Variants in RIMBP2 observed in about 807,000 individuals in gnomAD.
The protein encoded by RIMBP2 is RIMS binding protein 2, also known as RIMS-binding protein 2.
RIMBP2 carries 48 observed loss-of-function variants against 118.6 expected under a neutral mutation model. The ratio of observed to expected loss-of-function variants is 0.40; its 90% CI spans 0.32 to 0.51. The LOEUF (loss-of-function observed/expected upper bound fraction) is 0.51. Ranked by LOEUF, RIMBP2 falls within the 20% of genes least tolerant of loss-of-function variation. RIMBP2 has a pLI of 0.41. For missense variants in RIMBP2, 1,551 were observed against 1,768.3 expected (o/e 0.88, Z 2.20); for synonymous variants, 762 against 742.9 (o/e 1.03, Z -0.42).
intron 2 of RIMBP2, among the ~76,000 whole-genome samples, chr12:130,602,694 G>A (rs2059943414): frequency 6.6e-6 from 1 of 152,212 alleles, no homozygotes; most frequent in African/African-American, 2.4e-5. Context: ...TGAACAAACA[G>A]ATGTAGACGG....
At chr12:130,466,214 G>T (rs1309841308) in intron 6 of RIMBP2, 3 of 152,188 alleles carry the variant, frequency 2.0e-5, no homozygotes, top group Non-Finnish European at 4.4e-5. Flanking sequence ...GTTTTGATAG[G>T]ACGCTAAGTG....
Position 130,434,392 on chromosome 12 carries a change from T to G in RIMBP2, c.2253+342A>C, listed in dbSNP as rs2077355545. The stretch of plus-strand genomic sequence containing the variant: ...AGATGGCCAACAAACATCTGCCCAG[T>G]TAACGGAGGTGAATGAGCGAATGGC... On this transcript the variant is annotated intron_variant, in intron 14 of 22. Coordinates refer to ENST00000690449, the MANE Select transcript of RIMBP2 (RefSeq NM_001393629.1). This position sits in a 1 kb window ranked among gnomAD's most constrained non-coding sequence, Gnocchi z 5.7. Among the ~76,000 whole-genome samples, 1 of 152,086 alleles carries G rather than the reference T, an allele frequency of 6.6e-6. No homozygotes were observed. Among genetic ancestry groups the G allele is most frequent in the African/African-American group, 2.4e-5 (1 of 41,410 alleles).
At chr12:130,513,032 T>C (rs554826501) in intron 3 of RIMBP2, among the ~76,000 whole-genome samples, 12 of 152,324 alleles carry the variant, frequency 7.9e-5, no homozygotes, top group Admixed American at 7.8e-4. Flanking sequence ...AGTTGCATGG[T>C]TGCCATCTCA....
rs2056198337 is a variant in RIMBP2 at position 130,554,930 on chromosome 12, G to T, written c.-216-37013C>A. Among the ~76,000 whole-genome samples the T allele has an allele frequency of 2.0e-5, 3 of 152,222 alleles. No individual in the cohort carries two copies. In the South Asian group the frequency reaches 6.2e-4, roughly 32 times the overall value. On this transcript the variant is annotated intron_variant, in intron 2 of 22. Coordinates refer to ENST00000690449, the MANE Select transcript of RIMBP2 (RefSeq NM_001393629.1). ...AAAGAGAGACAAGAGAAGTTGTCAGGAAAGGCAACGTTGAACAGCATTCCT... is the reference window on the plus strand; with the variant it reads ...AAAGAGAGACAAGAGAAGTTGTCAGTAAAGGCAACGTTGAACAGCATTCCT...
chr12:130,415,980 A>ACAC (rs58544830), intron 17 of RIMBP2, among the ~76,000 whole-genome samples: 43,250 of 149,304 alleles, frequency 0.29, 6,136 homozygotes, highest in East Asian at 0.35. Flanking sequence ...CACACACACA[A>ACAC]AATATACAGA....
intron 2 of RIMBP2, among the ~76,000 whole-genome samples, chr12:130,597,274 C>T (rs1241615242): frequency 2.6e-5 from 4 of 152,214 alleles, no homozygotes; most frequent in Admixed American, 2.0e-4. Context: ...GACGGAGTCT[C>T]GCTCTGTCTC....
intron 3 of RIMBP2, among the ~76,000 whole-genome samples, chr12:130,509,976 G>A (rs11612368): frequency 0.055 from 8,328 of 152,240 alleles, 312 homozygotes; most frequent in Middle Eastern, 0.095. Flanking sequence ...TGGGTTTCAG[G>A]CTCCATGTGC....
intron 2 of RIMBP2, among the ~76,000 whole-genome samples, chr12:130,627,872 C>A (rs1042991172): frequency 6.6e-6 from 1 of 152,178 alleles, no homozygotes; most frequent in African/African-American, 2.4e-5. Context: ...CCTCTTTGCT[C>A]CCACGCTTAC....
intron 7 of RIMBP2, 144 bp downstream of exon 7, chr12:130,456,352 G>C (rs746306183): frequency 1.5e-6 from 1 of 677,220 alleles, no homozygotes; most frequent in Non-Finnish European, 2.5e-6. Context: ...GAGCAGCCCT[G>C]TTCTCATCCT....
At position 130,442,061 on chromosome 12, in the gene RIMBP2, T is replaced by C; in HGVS notation, c.1291A>G (p.Thr431Ala). Residue 431 changes from threonine (T) to alanine (A), a missense_variant, in exon 11 of 23, where the codon ACC (threonine) becomes GCC (alanine). Physicochemically the swap from Thr to Ala is moderately conservative, Grantham distance 58. This residue lies in a region of RIMBP2 where 265 missense variants were observed against 349.5 expected (regional missense o/e 0.76). Coordinates refer to ENST00000690449, the MANE Select transcript of RIMBP2 (RefSeq NM_001393629.1). This position sits in a 1 kb window ranked among gnomAD's most constrained non-coding sequence, Gnocchi z 6.9. ...QISAQLSWLP[T>A]NSNYSHVIFL... ...ATGACGTGGCTGTAGTTGCTGTTGG[T>C]GGGTAGCCAGGAGAGCTGGGCGGAG... 6.2e-7 allele frequency: 1 copy of C among 1,614,108 alleles called. No individual in the cohort carries two copies. The highest frequency in any genetic ancestry group is 2.2e-5 in the East Asian group (1 of 44,864).
chr12:130,627,706 C>G (rs746358792), intron 2 of RIMBP2, among the ~76,000 whole-genome samples: 2 of 152,160 alleles, frequency 1.3e-5, no homozygotes, highest in Non-Finnish European at 2.9e-5. Context: ...ATTCTTGTCA[C>G]CCCCTTGCAC....
At chr12:130,546,704 G>A (rs1367656102) in intron 2 of RIMBP2, among the ~76,000 whole-genome samples, 1 of 152,176 alleles carries the variant, frequency 6.6e-6, no homozygotes, top group Non-Finnish European at 1.5e-5. Context: ...TCTAGAAGAA[G>A]GCCGGTAAAC....
intron 2 of RIMBP2, among the ~76,000 whole-genome samples, chr12:130,561,098 G>A (rs949597686): frequency 3.9e-5 from 6 of 152,162 alleles, no homozygotes; most frequent in African/African-American, 1.4e-4. Context: ...ACGCCAAGGA[G>A]CCCCAAAGAT....
chr12:130,423,111 C>T (rs560362597), intron 16 of RIMBP2, among the ~76,000 whole-genome samples: 15 of 152,178 alleles, frequency 9.9e-5, no homozygotes, highest in South Asian at 4.1e-4. Context: ...AGGACTCAGA[C>T]GGGTCTCCTT....
At chr12:130,601,335 CAAAAAA>C (rs35127958) in intron 2 of RIMBP2, among the ~76,000 whole-genome samples, 18 of 63,078 alleles carry the variant, frequency 2.9e-4, no homozygotes, top group Admixed American at 1.2e-3. Flanking sequence ...AGAGGGCAGG[CAAAAAA>C]AAAAAAAAAA....
intron 21 of RIMBP2, among the ~76,000 whole-genome samples, chr12:130,404,844 T>C (rs2075010929): frequency 6.6e-6 from 1 of 152,154 alleles, no homozygotes; most frequent in African/African-American, 2.4e-5. Flanking sequence ...AAAAATACAA[T>C]AATTAAGACA....
chr12:130,695,644 G>C (rs1212438509), intron 1 of RIMBP2, among the ~76,000 whole-genome samples: 1 of 152,088 alleles, frequency 6.6e-6, no homozygotes, highest in Non-Finnish European at 1.5e-5. Context: ...TTAAGCAACA[G>C]AGTGAGGTGA....
At position 130,442,497 on chromosome 12, in the gene RIMBP2, G is replaced by A. The variant is rs377668525; in HGVS notation, c.855C>T (p.His285=). The change falls in exon 11 of 23, where the codon CAC becomes CAT. Residue 285 remains histidine, a synonymous_variant. Coordinates refer to ENST00000690449, the MANE Select transcript of RIMBP2 (RefSeq NM_001393629.1). The surrounding 1 kb of genome is among the most constrained non-coding windows in gnomAD (Gnocchi z 6.9). ...TGCCCGCATCTATGTGGGTTGGGGAGTGGAGGTCCAGGATGTGCTCTCCCT... is the reference window on the plus strand; with the variant it reads ...TGCCCGCATCTATGTGGGTTGGGGAATGGAGGTCCAGGATGTGCTCTCCCT... ...GLEGEHILDL[H]SPTHIDAGIT... 3.1e-5 allele frequency: 50 copies of A among 1,614,108 alleles called. No individual in the cohort carries two copies. The African/African-American group carries it at 3.5e-4, about 11-fold the overall frequency.
At chr12:130,550,629 T>C (rs2055671997) in intron 2 of RIMBP2, among the ~76,000 whole-genome samples, 1 of 152,094 alleles carries the variant, frequency 6.6e-6, no homozygotes, top group South Asian at 2.1e-4. Flanking sequence ...TACTGCAAAA[T>C]GAAAAAAGGT....
Sources: allele counts gnomAD v4.1 joint callset (sites outside exome capture counted in the v4.1 genomes callset), GRCh38; gene constraint gnomAD v4.1.1; regional missense constraint gnomAD v4.1.1; non-coding constraint Gnocchi (gnomAD v3.1); transcripts MANE v1.5; gene names NCBI Gene and HGNC (gene_info 2026-07-23, HGNC 2026-07-21).